The following DNAJC15 variants were observed in gnomAD, a reference collection of about 807,000 sequenced individuals.
The protein encoded by DNAJC15 is DnaJ heat shock protein family (Hsp40) member C15, also known as dnaJ homolog subfamily C member 15.
A neutral mutation model predicts 22.4 loss-of-function variants in DNAJC15; 27 were observed. The observed-to-expected ratio is 1.20, with a 90% CI of 0.89 to 1.66. The LOEUF (loss-of-function observed/expected upper bound fraction) is 1.66, where lower values mean the gene tolerates loss of function less well. DNAJC15 is among the 40% of genes most tolerant of loss of function. DNAJC15 has a pLI of 0.00. For synonymous variants in DNAJC15, 79 were observed against 63.2 expected (o/e 1.25, Z -1.19); for missense variants, 208 against 187.1 (o/e 1.11, Z -0.65).
At chr13:43,062,849 G>A (rs1370310636) in intron 1 of DNAJC15, among the ~76,000 whole-genome samples, 1 of 151,936 alleles carries the variant, frequency 6.6e-6, no homozygotes, top group Non-Finnish European at 1.5e-5. Context: ...CCCCTGAGTA[G>A]CTGGGATTAC....
chr13:43,097,405 C>A (rs73190319), intron 5 of DNAJC15, among the ~76,000 whole-genome samples: 1 of 151,928 alleles, frequency 6.6e-6, no homozygotes, highest in South Asian at 2.1e-4. Context: ...GGAGAGGAAG[C>A]CCAAGGCTAA....
At chr13:43,036,295 A>G (rs1331428788) in intron 1 of DNAJC15, among the ~76,000 whole-genome samples, 1 of 151,426 alleles carries the variant, frequency 6.6e-6, no homozygotes, top group Non-Finnish European at 1.5e-5. Context: ...CTTCCCAAGT[A>G]GCTGGGACTA....
chr13:43,098,561 A>G (rs759131033), intron 5 of DNAJC15, among the ~76,000 whole-genome samples: 4 of 152,210 alleles, frequency 2.6e-5, no homozygotes, highest in Non-Finnish European at 4.4e-5. Context: ...ATTTAATGCT[A>G]TATTGAGATA....
At chr13:43,078,782 A>G in intron 4 of DNAJC15, 94 bp downstream of exon 4, 1 of 1,056,942 alleles carries the variant, frequency 9.5e-7, no homozygotes, top group Admixed American at 2.4e-5. Context: ...TAGACTTAAA[A>G]TTATGAGTAG....
chr13:43,048,325 CA>C (rs766125510), intron 1 of DNAJC15, among the ~76,000 whole-genome samples: 1,427 of 130,288 alleles, frequency 0.011, 12 homozygotes, highest in South Asian at 0.022. Flanking sequence ...ACTAAAAATA[CA>C]AAAAAAAAAA....
intron 3 of DNAJC15, among the ~76,000 whole-genome samples, chr13:43,074,040 T>G (rs1566210483): frequency 2.6e-5 from 4 of 152,130 alleles, no homozygotes. Flanking sequence ...TTGCATTTAT[T>G]TTGTTTTATG....
intron 3 of DNAJC15, among the ~76,000 whole-genome samples, chr13:43,070,577 A>G (rs189265324): frequency 9.9e-4 from 151 of 152,284 alleles, no homozygotes; most frequent in African/African-American, 3.4e-3. Context: ...TAGATAGGCC[A>G]GGTAAGGTTT....
rs2040821573 is a variant in DNAJC15 at position 43,110,879 on chromosome 13, GAGT to G, written c.*3632_*3634del. ...CTCCTTATCTGTAAAAAGCTTATTT[GAGT>G]GGTTACCTGTCTTCAGTAAAGATTG... On this transcript the variant is annotated 3_prime_UTR_variant, in exon 6 of 6. Coordinates refer to ENST00000379221, the MANE Select transcript of DNAJC15 (RefSeq NM_013238.3). 1 of 152,184 alleles carries G rather than the reference GAGT, an allele frequency of 6.6e-6. No individual in the cohort carries two copies. Among genetic ancestry groups the G allele is most frequent in the Non-Finnish European group, 1.5e-5 (1 of 68,038 alleles). 9.4% of individuals were successfully genotyped at this position (152,184 alleles called of 1,614,324 possible).
chr13:43,054,562 A>T (rs570509621), intron 1 of DNAJC15, among the ~76,000 whole-genome samples: 6 of 151,942 alleles, frequency 3.9e-5, no homozygotes, highest in South Asian at 2.1e-4. Context: ...AGTTTTTTTG[A>T]TTACCATTTC....
At chr13:43,072,726 G>A (rs1288026382) in intron 3 of DNAJC15, among the ~76,000 whole-genome samples, 1 of 152,048 alleles carries the variant, frequency 6.6e-6, no homozygotes, top group African/African-American at 2.4e-5. Flanking sequence ...ACTATTCCCA[G>A]CTAATTTTTG....
intron 1 of DNAJC15, among the ~76,000 whole-genome samples, chr13:43,052,739 T>A (rs1240575612): frequency 6.6e-6 from 1 of 152,076 alleles, no homozygotes; most frequent in Admixed American, 6.5e-5. Flanking sequence ...TTTGATGGCA[T>A]TATTTGTTTT....
At chr13:43,043,740 T>C (rs1214072764) in intron 1 of DNAJC15, among the ~76,000 whole-genome samples, 1 of 152,214 alleles carries the variant, frequency 6.6e-6, no homozygotes, top group Non-Finnish European at 1.5e-5. Context: ...TGCTTGCCTG[T>C]GGTTTAAGAG....
chr13:43,050,892 A>T (rs190252980), intron 1 of DNAJC15, among the ~76,000 whole-genome samples: 10 of 152,210 alleles, frequency 6.6e-5, no homozygotes, highest in African/African-American at 2.4e-4. Context: ...TGATTGCTCA[A>T]TTTTGGTTAT....
intron 5 of DNAJC15, among the ~76,000 whole-genome samples, chr13:43,087,247 C>T (rs1330659723): frequency 2.0e-5 from 3 of 152,156 alleles, no homozygotes; most frequent in Non-Finnish European, 4.4e-5. Flanking sequence ...TATAACTGCT[C>T]ATTCACCCAA....
At chr13:43,087,968 G>A (rs1412878968) in intron 5 of DNAJC15, among the ~76,000 whole-genome samples, 1 of 152,126 alleles carries the variant, frequency 6.6e-6, no homozygotes, top group Non-Finnish European at 1.5e-5. Flanking sequence ...ATGCTTTCAA[G>A]GCTAATATCT....
intron 1 of DNAJC15, among the ~76,000 whole-genome samples, chr13:43,057,106 ATT>A (rs1423279534): frequency 1.3e-5 from 2 of 152,016 alleles, no homozygotes; most frequent in African/African-American, 4.8e-5. Context: ...TTTGCAATGA[ATT>A]TTCCAGGTGT....
intron 1 of DNAJC15, among the ~76,000 whole-genome samples, chr13:43,062,160 A>AG (rs2040562257): frequency 6.6e-6 from 1 of 152,168 alleles, no homozygotes; most frequent in African/African-American, 2.4e-5. Context: ...CTTAGGGACT[A>AG]GCAGCACTTG....
chr13:43,090,085 C>G (rs1312572421), intron 5 of DNAJC15, among the ~76,000 whole-genome samples: 2 of 152,188 alleles, frequency 1.3e-5, no homozygotes, highest in African/African-American at 2.4e-5. Flanking sequence ...ACAAATTTAG[C>G]AGAGTTTATT....
At chr13:43,082,844 C>CTATA (rs3043164) in intron 4 of DNAJC15, among the ~76,000 whole-genome samples, 1,901 of 124,514 alleles carry the variant, frequency 0.015, 33 homozygotes, top group African/African-American at 0.048. Flanking sequence ...GAACATTCAC[C>CTATA]TATATATATA....
Sources: allele counts gnomAD v4.1 joint callset (sites outside exome capture counted in the v4.1 genomes callset), GRCh38; gene constraint gnomAD v4.1.1; transcripts MANE v1.5; gene names NCBI Gene and HGNC (gene_info 2026-07-23, HGNC 2026-07-21).